The following AP2A2 variants were observed in gnomAD, a reference collection of about 807,000 sequenced individuals.
AP2A2 encodes adaptor related protein complex 2 subunit alpha 2, also known as AP-2 complex subunit alpha-2.
AP2A2 carries 32 observed loss-of-function variants against 104.2 expected under a neutral mutation model. The ratio of observed to expected loss-of-function variants is 0.31; its 90% CI spans 0.23 to 0.41. The LOEUF (loss-of-function observed/expected upper bound fraction) is 0.41, where lower values mean the gene tolerates loss of function less well. Ranked by LOEUF, AP2A2 falls within the 10% of genes least tolerant of loss-of-function variation. The pLI is 1.00. For missense variants in AP2A2, 912 were observed against 1,261.0 expected (o/e 0.72, Z 4.19); for synonymous variants, 539 against 533.3 (o/e 1.01, Z -0.15).
intron 1 of AP2A2, among the ~76,000 whole-genome samples, chr11:930,584 G>A (rs183749393): frequency 5.3e-5 from 8 of 151,656 alleles, no homozygotes; most frequent in Admixed American, 2.0e-4. Flanking sequence ...GCAGTGGCGC[G>A]ATCTCGGCTC....
At chr11:931,398 C>T (rs1853287611) in intron 1 of AP2A2, among the ~76,000 whole-genome samples, 1 of 152,158 alleles carries the variant, frequency 6.6e-6, no homozygotes, top group African/African-American at 2.4e-5. Context: ...CATGCCAACA[C>T]TAGAATATTG....
At position 1,011,036 on chromosome 11, in the gene AP2A2, C is replaced by T. The variant is rs762169207; in HGVS notation, c.*411C>T. On this transcript the variant is annotated 3_prime_UTR_variant, in exon 22 of 22. Transcript: ENST00000448903. ...CCACTGTGCATGGCGTGGGCTGAGC[C>T]TTGGTGTGTGGCCGTCCTGGTGGCT... 16 of 660,784 alleles carry T rather than the reference C, an allele frequency of 2.4e-5. No individual in the cohort carries two copies. The highest frequency in any genetic ancestry group is 2.5e-4 in the Middle Eastern group (1 of 3,934). 40.9% of individuals were successfully genotyped at this position (660,784 alleles called of 1,614,324 possible).
At chr11:970,408 C>A in intron 3 of AP2A2, 97 bp downstream of exon 3, 1 of 1,489,220 alleles carries the variant, frequency 6.7e-7, no homozygotes, top group South Asian at 1.3e-5. Flanking sequence ...CTTCTCTGCC[C>A]ACAGCTGACG....
rs1406678461 is a variant in AP2A2, at chr11:994,162, A to G, written c.1873A>G (p.Thr625Ala). 3.7e-6 allele frequency: 6 copies of G among 1,612,984 alleles called. No homozygotes were observed. Among genetic ancestry groups the G allele is most frequent in the Non-Finnish European group, 5.1e-6 (6 of 1,179,860 alleles). Residue 625 changes from threonine (T) to alanine (A), a missense_variant, in exon 14 of 22, where the codon ACA becomes GCA. Around this residue, in one of 7 missense-constraint regions of AP2A2, gnomAD observed 105 missense variants for 90.9 expected, o/e 1.16. Transcript: ENST00000448903. ...GAAGAAGAAGGGCCCCAGCACGGTG[A>G]CAGACCTGGAGGACACCAAGCGGGA... ...LKKKKGPSTVTDLEDTKRDRS... is the reference protein window; with the variant it reads ...LKKKKGPSTVADLEDTKRDRS...
chr11:926,318 A>T (rs1853120239), intron 1 of AP2A2, among the ~76,000 whole-genome samples: 1 of 75,634 alleles, frequency 1.3e-5, no homozygotes, highest in Non-Finnish European at 2.5e-5. Flanking sequence ...CGGCGCTCAG[A>T]GTCTTGGGGT....
chr11:992,799 T>G lies in AP2A2; in HGVS notation c.1452+114T>G. The G allele has an allele frequency of 8.8e-7, 1 of 1,134,088 alleles. No homozygotes were observed. 70.3% of individuals were successfully genotyped at this position (1,134,088 alleles called of 1,614,324 possible). A position where few individuals can be genotyped will look rare whatever the true frequency, so the allele number is the denominator to read the frequency against. On this transcript the variant is annotated intron_variant, in intron 11 of 21. Coordinates refer to ENST00000448903, the MANE Select transcript of AP2A2 (RefSeq NM_012305.4). The surrounding 1 kb of genome is among the most constrained non-coding windows in gnomAD (Gnocchi z 6.4). ...TGCCGAGGGCCGTTGCTGACCCCTC[T>G]TGCCCCTCAGCTCTTCCCTGAGGCT...
chr11:988,871 T>G, intron 10 of AP2A2, 182 bp downstream of exon 10: 3 of 800,386 alleles, frequency 3.7e-6, no homozygotes, highest in Non-Finnish European at 5.8e-6. Context: ...TGGTGGCACC[T>G]GTGGTCCCCG....
In AP2A2 at chr11:993,494, T is replaced by G. The variant is rs928357997; in HGVS notation, c.1550+113T>G. On this transcript the variant is annotated intron_variant, in intron 12 of 21. Transcript: ENST00000448903. This position sits in a 1 kb window ranked among gnomAD's most constrained non-coding sequence, Gnocchi z 8.2. ...TGCCGTGAGGCCTCGCAGAGCCGCT[T>G]CTGCTCCCCATCGGCGTCTTTTTGT... 1 of 782,290 alleles carries G rather than the reference T, an allele frequency of 1.3e-6. No homozygotes were observed. Among genetic ancestry groups the G allele is most frequent in the Non-Finnish European group, 2.0e-6 (1 of 508,604 alleles). The allele number at this position is 782,290 out of a possible 1,614,324, so 48.5% of individuals were successfully genotyped here.
At chr11:953,969 G>A (rs755182057) in intron 1 of AP2A2, among the ~76,000 whole-genome samples, 12 of 151,958 alleles carry the variant, frequency 7.9e-5, no homozygotes, top group Non-Finnish European at 1.3e-4. Context: ...TGAGTAGCTG[G>A]GATTGCAGGC....
In AP2A2 at chr11:1,011,269, T is replaced by C. The variant is rs757194092; in HGVS notation, c.*644T>C. 8 of 518,874 alleles carry C rather than the reference T, an allele frequency of 1.5e-5. No individual in the cohort carries two copies. Among genetic ancestry groups the C allele is most frequent in the African/African-American group, 5.8e-5 (3 of 51,994 alleles). The allele number at this position is 518,874 out of a possible 1,614,324, so 32.1% of individuals were successfully genotyped here. A position where few individuals can be genotyped will look rare whatever the true frequency, so the allele number is the denominator to read the frequency against. On this transcript the variant is annotated 3_prime_UTR_variant, in exon 22 of 22. Coordinates refer to ENST00000448903, the MANE Select transcript of AP2A2 (RefSeq NM_012305.4). The stretch of plus-strand genomic sequence containing the variant: ...TCCTGTTTGTGAAGGGCGTCTGTTA[T>C]GCTCCTGCAGTCGCCGAGGCCTTGG...
rs114803288 is a variant in AP2A2, at chr11:993,976, C to T, written c.1773C>T (p.Thr591=). Residue 591 remains threonine (T), a synonymous_variant, in exon 13 of 22, where the codon ACC becomes ACT. Transcript: ENST00000448903. The surrounding 1 kb of genome is among the most constrained non-coding windows in gnomAD (Gnocchi z 8.2). ...TGCGGCTCAGCACCGTGGCCAGCAC[C>T]GACATTCTGGTAGGAGGCCCCCGCC... is the stretch of plus-strand genomic sequence containing the variant. ...EYLRLSTVAS[T]DILATVLEEM... is the part of the protein sequence containing the mutation. 524 of 1,610,892 alleles carry T rather than the reference C, an allele frequency of 3.3e-4. 1 individual carries two copies. In the African/African-American group the frequency reaches 6.1e-3, roughly 19 times the overall value.
chr11:956,574 A>G (rs1239364604), intron 1 of AP2A2, among the ~76,000 whole-genome samples: 1 of 152,238 alleles, frequency 6.6e-6, no homozygotes, highest in Non-Finnish European at 1.5e-5. Context: ...GTGTATCCCT[A>G]TTAAAATCAC....
At chr11:962,254 T>C (rs1854467483) in intron 2 of AP2A2, among the ~76,000 whole-genome samples, 2 of 152,266 alleles carry the variant, frequency 1.3e-5, no homozygotes, top group Non-Finnish European at 2.9e-5. Context: ...AATGAGGAAA[T>C]GCATAGAAAT....
At chr11:928,257 A>G (rs979721992) in intron 1 of AP2A2, among the ~76,000 whole-genome samples, 3 of 152,200 alleles carry the variant, frequency 2.0e-5, no homozygotes, top group Non-Finnish European at 4.4e-5. Flanking sequence ...TAAAGAGACC[A>G]CATTCATATA....
At chr11:941,690 C>T (rs746949193) in intron 1 of AP2A2, among the ~76,000 whole-genome samples, 8 of 151,276 alleles carry the variant, frequency 5.3e-5, no homozygotes, top group Non-Finnish European at 7.4e-5. Context: ...CAGGTTCAAG[C>T]GATTCTCCCA....
chr11:960,267 G>A (rs574030952), intron 2 of AP2A2, among the ~76,000 whole-genome samples: 7 of 151,094 alleles, frequency 4.6e-5, no homozygotes, highest in Non-Finnish European at 8.9e-5. Flanking sequence ...TTTTGAGATG[G>A]AGTCTTGCTC....
At chr11:953,910 C>T (rs939957812) in intron 1 of AP2A2, among the ~76,000 whole-genome samples, 2 of 151,612 alleles carry the variant, frequency 1.3e-5, no homozygotes, top group African/African-American at 4.9e-5. Context: ...TCTCGGCTCA[C>T]TGCAACCTCC....
rs764415529 is a variant in AP2A2 at position 1,011,332 on chromosome 11, A to G, written c.*707A>G. 9.6e-6 allele frequency: 5 copies of G among 518,314 alleles called. No homozygotes were observed. Among genetic ancestry groups the G allele is most frequent in the South Asian group, 2.8e-5 (2 of 71,572 alleles). 32.1% of individuals were successfully genotyped at this position (518,314 alleles called of 1,614,324 possible). On this transcript the variant is annotated 3_prime_UTR_variant, in exon 22 of 22. Coordinates refer to ENST00000448903, the MANE Select transcript of AP2A2 (RefSeq NM_012305.4). The stretch of plus-strand genomic sequence containing the variant: ...GGGAGGAGCGTCCTGCCGGCCCCGC[A>G]GGGCCCCCAGGACTCCAGGGTAAAG...
chr11:979,043 G>A (rs938337028), intron 5 of AP2A2, among the ~76,000 whole-genome samples: 9 of 152,010 alleles, frequency 5.9e-5, no homozygotes, highest in Non-Finnish European at 1.2e-4. Context: ...GGGGGGCTGG[G>A]CCAAGGGCTG....
Sources: allele counts gnomAD v4.1 joint callset (sites outside exome capture counted in the v4.1 genomes callset), GRCh38; gene constraint gnomAD v4.1.1; regional missense constraint gnomAD v4.1.1; non-coding constraint Gnocchi (gnomAD v3.1); transcripts MANE v1.5; gene names NCBI Gene and HGNC (gene_info 2026-07-23, HGNC 2026-07-21).